CDH23: variants seen among roughly 807,000 people sequenced by gnomAD.
The protein encoded by CDH23 is cadherin-23.
Under a neutral mutation model 317.1 loss-of-function variants are expected in CDH23, and 189 were observed. That is an observed-to-expected ratio of 0.60 (90% confidence interval 0.53 to 0.67). The LOEUF (loss-of-function observed/expected upper bound fraction) is 0.67, where lower values mean the gene tolerates loss of function less well. CDH23 is among the 30% of genes least tolerant of loss of function. CDH23 has a pLI of 0.00. For missense variants in CDH23, 4,401 were observed against 4,592.4 expected, an observed-to-expected ratio of 0.96 and a Z score of 1.20; for synonymous variants, 1,839 against 1,876.8, an observed-to-expected ratio of 0.98 and a Z score of 0.52.
intron 14 of CDH23, among the ~76,000 whole-genome samples, chr10:71,650,823 C>T (rs1397526312): frequency 1.3e-5 from 2 of 152,206 alleles, no homozygotes; most frequent in African/African-American, 4.8e-5. Flanking sequence ...AGTGTCTTAT[C>T]CTGGGACCCT....
At chr10:71,533,127 G>A (rs894623090) in intron 6 of CDH23, among the ~76,000 whole-genome samples, 1 of 152,192 alleles carries the variant, frequency 6.6e-6, no homozygotes, top group East Asian at 1.9e-4. Context: ...GTGGGACTAC[G>A]TCTTTGTAGA....
At chr10:71,552,395 C>T (rs535077524) in intron 6 of CDH23, among the ~76,000 whole-genome samples, 5 of 152,342 alleles carry the variant, frequency 3.3e-5, no homozygotes, top group African/African-American at 9.6e-5. Context: ...CTTCACTGGT[C>T]GCCCACATGC....
intron 30 of CDH23, 128 bp downstream of exon 30, chr10:71,725,648 C>A: frequency 8.7e-7 from 1 of 1,146,912 alleles, no homozygotes; most frequent in Non-Finnish European, 1.2e-6. Flanking sequence ...TGAATGACAT[C>A]TGGGCCTAAG....
intron 47 of CDH23, among the ~76,000 whole-genome samples, chr10:71,792,541 T>C (rs1841279535): frequency 1.3e-5 from 2 of 151,982 alleles, no homozygotes; most frequent in African/African-American, 4.8e-5. Context: ...ATATTTGTCT[T>C]GGTCCAGGCG....
intron 1 of CDH23, among the ~76,000 whole-genome samples, chr10:71,414,156 A>G (rs1848445996): frequency 6.6e-6 from 1 of 151,248 alleles, no homozygotes; most frequent in Middle Eastern, 3.4e-3. Context: ...TTCCTTTCCA[A>G]TTTGCACACC....
At chr10:71,507,817 G>C (rs1298067903) in intron 3 of CDH23, among the ~76,000 whole-genome samples, 1 of 152,246 alleles carries the variant, frequency 6.6e-6, no homozygotes, top group African/African-American at 2.4e-5. Flanking sequence ...TGGTTTATCT[G>C]TGACTTTCAC....
At position 71,793,608 on chromosome 10, in the gene CDH23, A is replaced by C. The variant is rs778453484; in HGVS notation, c.6680A>C (p.Gln2227Pro). The stretch of plus-strand genomic sequence containing the variant: ...GACACTGATCGCCTGGTGCCCAACC[A>C]GGAGGACGCCTTTGCTGTGAATATC... ...KDDTDRLVPN[Q>P]EDAFAVNINT... The change falls in exon 48 of 70, where the codon CAG becomes CCG. Residue 2227 changes from glutamine (Q) to proline (P), a missense_variant. By Grantham distance (76) the Gln-to-Pro change is moderately conservative (BLOSUM62 -1). This residue lies in a region of CDH23 where 3,068 missense variants were observed against 3,203.3 expected (regional missense o/e 0.96). Transcript: ENST00000224721. 1.2e-5 allele frequency: 19 copies of C among 1,604,142 alleles called. No individual in the cohort carries two copies. The East Asian group carries it at 2.7e-4, about 23-fold the overall frequency.
chr10:71,565,542 G>A (rs147514014), intron 6 of CDH23, among the ~76,000 whole-genome samples: 221 of 152,280 alleles, frequency 1.5e-3, no homozygotes, highest in African/African-American at 4.9e-3. Flanking sequence ...GGTGCCAGGG[G>A]AGTGGGTAGA....
intron 1 of CDH23, among the ~76,000 whole-genome samples, chr10:71,401,714 GGGC>G (rs1847790337): frequency 6.6e-6 from 1 of 152,092 alleles, no homozygotes; most frequent in Non-Finnish European, 1.5e-5. Flanking sequence ...CATAGAGAAG[GGGC>G]AAAACCCATC....
intron 38 of CDH23, among the ~76,000 whole-genome samples, chr10:71,742,494 T>C (rs1212847189): frequency 6.6e-6 from 1 of 152,242 alleles, no homozygotes; most frequent in East Asian, 1.9e-4. Flanking sequence ...GAAGGACTTG[T>C]GGTCCTCAAG....
In CDH23 at chr10:71,809,910, C is replaced by A. The variant is rs770584130; in HGVS notation, c.8813C>A (p.Ala2938Glu). 1.9e-6 allele frequency: 3 copies of A among 1,613,128 alleles called. No individual in the cohort carries two copies. In the Admixed American group the frequency reaches 5.0e-5, roughly 27 times the overall value. The change falls in exon 61 of 70, where the codon GCA (alanine) becomes GAA (glutamate). Residue 2938 changes from alanine (A) to glutamate (E), a missense_variant. By Grantham distance (107) the Ala-to-Glu change is moderately radical. Transcript: ENST00000224721. ...GTGGACATTGTGGCCCGAGACCTGG[C>A]AGGCCACAACGACACGGCCATCATC... ...FVVDIVARDL[A>E]GHNDTAIIGI...
intron 25 of CDH23, among the ~76,000 whole-genome samples, 190 bp downstream of exon 25, chr10:71,705,320 C>A (rs1202482977): frequency 6.6e-6 from 1 of 152,154 alleles, no homozygotes; most frequent in Admixed American, 6.5e-5. Flanking sequence ...CCACACCTGA[C>A]CACTGCCTTC....
At chr10:71,425,195 G>A (rs376562096) in intron 1 of CDH23, among the ~76,000 whole-genome samples, 29 of 145,056 alleles carry the variant, frequency 2.0e-4, no homozygotes, top group Non-Finnish European at 4.1e-4. Flanking sequence ...GGAGGAAACC[G>A]GCTTGGCTAA....
intron 9 of CDH23, among the ~76,000 whole-genome samples, chr10:71,582,835 G>T (rs1355656753): frequency 1.3e-5 from 2 of 152,196 alleles, no homozygotes; most frequent in Non-Finnish European, 2.9e-5. Flanking sequence ...TCTTCGCCCT[G>T]GGAACCTGCA....
intron 6 of CDH23, among the ~76,000 whole-genome samples, chr10:71,527,752 A>G (rs1855122374): frequency 6.6e-6 from 1 of 152,158 alleles, no homozygotes; most frequent in Non-Finnish European, 1.5e-5. Context: ...AGTTTTTCTC[A>G]TGTGAAATGG....
In CDH23 at chr10:71,544,235, G is replaced by GA. The variant is rs1276267019; in HGVS notation, c.430-22501dup. Among the ~76,000 whole-genome samples, 7 of 152,198 alleles carry GA rather than the reference G, an allele frequency of 4.6e-5. No homozygotes were observed. The East Asian group carries it at 1.2e-3, about 25-fold the overall frequency. On this transcript the variant is annotated intron_variant, in intron 6 of 69. Transcript: ENST00000224721. ...GCAGGAGAGGTGGACGGGAGTAGCG[G>GA]AAAAAAGGGAGATGGGGGTAGAAAT...
At chr10:71,703,208 T>C (rs973850468) in intron 24 of CDH23, among the ~76,000 whole-genome samples, 1 of 152,186 alleles carries the variant, frequency 6.6e-6, no homozygotes, top group African/African-American at 2.4e-5. Context: ...TCCATCATCC[T>C]CTGATTAGAG....
chr10:71,800,421 A>T (rs1016900031), intron 52 of CDH23, among the ~76,000 whole-genome samples: 23 of 152,276 alleles, frequency 1.5e-4, no homozygotes, highest in Admixed American at 9.2e-4. Flanking sequence ...TCAGGCAGGT[A>T]GCTCCAGGCT....
intron 9 of CDH23, 68 bp from the exon 10 acceptor site, chr10:71,615,436 C>T: frequency 1.9e-6 from 2 of 1,065,870 alleles, no homozygotes; most frequent in Non-Finnish European, 2.9e-6. Flanking sequence ...CTCCATGCCC[C>T]CCTGCCCCCA....
Sources: allele counts gnomAD v4.1 joint callset (sites outside exome capture counted in the v4.1 genomes callset), GRCh38; gene constraint gnomAD v4.1.1; regional missense constraint gnomAD v4.1.1; transcripts MANE v1.5; gene names NCBI Gene and HGNC (gene_info 2026-07-23, HGNC 2026-07-21).